The following KPNA1 variants were observed in gnomAD, a reference collection of about 807,000 sequenced individuals.
KPNA1 encodes karyopherin subunit alpha 1, also known as importin subunit alpha-5.
Under a neutral mutation model 70.5 loss-of-function variants are expected in KPNA1, and 10 were observed. The ratio of observed to expected loss-of-function variants is 0.14; its 90% CI spans 0.09 to 0.24. The LOEUF is 0.24. KPNA1 is among the 10% of genes least tolerant of loss of function. The pLI, the probability that KPNA1 is intolerant of heterozygous loss-of-function variation, is 1.00. For missense variants in KPNA1, 397 were observed against 637.9 expected (o/e 0.62, Z 4.07); for synonymous variants, 192 against 221.9 (o/e 0.87, Z 1.20).
chr3:122,498,878 T>A (rs963859518), intron 1 of KPNA1, among the ~76,000 whole-genome samples: 1 of 152,216 alleles, frequency 6.6e-6, no homozygotes, highest in African/African-American at 2.4e-5. Context: ...TTCCACTTAT[T>A]TAAGATAGGA....
intron 2 of KPNA1, 84 bp downstream of exon 2, chr3:122,496,353 A>ACACAC: frequency 6.7e-6 from 5 of 746,214 alleles, no homozygotes; most frequent in Non-Finnish European, 6.1e-6. Flanking sequence ...CACACACCCC[A>ACACAC]ACTTTGCTAA....
intron 9 of KPNA1, among the ~76,000 whole-genome samples, chr3:122,447,013 T>C (rs572356667): frequency 1.5e-4 from 23 of 152,236 alleles, no homozygotes; most frequent in African/African-American, 5.5e-4. Flanking sequence ...GGCTCTGAAA[T>C]TGAGGCAGTA....
intron 2 of KPNA1, among the ~76,000 whole-genome samples, chr3:122,487,841 T>A (rs2076647715): frequency 6.6e-6 from 1 of 152,236 alleles, no homozygotes. Flanking sequence ...TATATAACAA[T>A]GTGAATATTG....
intron 3 of KPNA1, among the ~76,000 whole-genome samples, chr3:122,466,767 G>C (rs1186905654): frequency 6.6e-6 from 1 of 151,878 alleles, no homozygotes; most frequent in Admixed American, 6.6e-5. Context: ...TAGCACTTTG[G>C]GAGGCCAAGG....
At chr3:122,483,834 G>A (rs2107483464) in intron 2 of KPNA1, among the ~76,000 whole-genome samples, 1 of 152,140 alleles carries the variant, frequency 6.6e-6, no homozygotes, top group South Asian at 2.1e-4. Context: ...CTGAATTATG[G>A]GAGGCTCTGA....
At chr3:122,441,440 T>C (rs1469037401) in intron 10 of KPNA1, among the ~76,000 whole-genome samples, 1 of 152,126 alleles carries the variant, frequency 6.6e-6, no homozygotes, top group African/African-American at 2.4e-5. Flanking sequence ...AAGATGCTAC[T>C]AGAGGATTCT....
At chr3:122,504,259 T>C (rs2076863294) in intron 1 of KPNA1, among the ~76,000 whole-genome samples, 1 of 152,146 alleles carries the variant, frequency 6.6e-6, no homozygotes, top group Non-Finnish European at 1.5e-5. Context: ...CCTGGCTAAT[T>C]CAGTATCTGG....
In KPNA1 at chr3:122,449,727, C is replaced by A. The variant is rs1298459730; in HGVS notation, c.764G>T (p.Cys255Phe). Residue 255 changes from cysteine to phenylalanine, a missense_variant, in exon 9 of 14, where the codon TGT (cysteine) becomes TTT (phenylalanine). By Grantham distance (205) the Cys-to-Phe change is radical. Coordinates refer to ENST00000344337, the MANE Select transcript of KPNA1 (RefSeq NM_002264.4). Reference sequence around the variant, plus strand: ...CAGCAACCAGGAAAGCACATTCAGACATGGAGAAACCTGTAAAAGGAAAAT... The same window carrying A: ...CAGCAACCAGGAAAGCACATTCAGAAATGGAGAAACCTGTAAAAGGAAAAT... Reference protein sequence around the residue: ...PPPEFAKVSPCLNVLSWLLFV... With the variant: ...PPPEFAKVSPFLNVLSWLLFV... The A allele has an allele frequency of 6.2e-7, 1 of 1,608,924 alleles. No individual in the cohort carries two copies. The highest frequency in any genetic ancestry group is 8.5e-7 in the Non-Finnish European group (1 of 1,178,492).
At chr3:122,452,562 G>GA (rs1389814779) in intron 6 of KPNA1, among the ~76,000 whole-genome samples, 10 of 41,220 alleles carry the variant, frequency 2.4e-4, no homozygotes, top group Non-Finnish European at 4.6e-4. Flanking sequence ...GGGAGGGAGG[G>GA]AGGGAAGGAG....
At chr3:122,434,734 C>T (rs1334326027) in intron 11 of KPNA1, among the ~76,000 whole-genome samples, 1 of 152,210 alleles carries the variant, frequency 6.6e-6, no homozygotes, top group Non-Finnish European at 1.5e-5. Context: ...CATGTACTAA[C>T]ACTAAAGTAG....
intron 2 of KPNA1, among the ~76,000 whole-genome samples, chr3:122,469,701 G>A (rs2076420533): frequency 6.6e-6 from 1 of 152,012 alleles, no homozygotes; most frequent in Non-Finnish European, 1.5e-5. Context: ...CTGGACAAAG[G>A]CCAAAAAAAT....
chr3:122,448,272 T>A (rs1160718015), intron 9 of KPNA1, among the ~76,000 whole-genome samples: 1 of 152,146 alleles, frequency 6.6e-6, no homozygotes, highest in African/African-American at 2.4e-5. Flanking sequence ...GGATTATAAA[T>A]CATGCTACTA....
At chr3:122,486,787 C>T (rs2076634960) in intron 2 of KPNA1, among the ~76,000 whole-genome samples, 1 of 152,008 alleles carries the variant, frequency 6.6e-6, no homozygotes, top group African/African-American at 2.4e-5. Context: ...GGGGTTTCAC[C>T]AATGTTAGCC....
intron 1 of KPNA1, among the ~76,000 whole-genome samples, chr3:122,499,688 G>A (rs908450339): frequency 6.6e-6 from 1 of 151,328 alleles, no homozygotes; most frequent in African/African-American, 2.4e-5. Flanking sequence ...GAGTCCAGCA[G>A]TTGCAGGCTG....
chr3:122,438,411 A>T (rs1460088039), intron 10 of KPNA1, among the ~76,000 whole-genome samples: 1 of 149,966 alleles, frequency 6.7e-6, no homozygotes, highest in Admixed American at 6.6e-5. Flanking sequence ...TTTGAGACAG[A>T]GTTTCGCTCC....
At chr3:122,487,357 T>C (rs1446351604) in intron 2 of KPNA1, among the ~76,000 whole-genome samples, 1 of 152,244 alleles carries the variant, frequency 6.6e-6, no homozygotes, top group Admixed American at 6.5e-5. Flanking sequence ...AGGGAGGCTC[T>C]TGAAATATTA....
At chr3:122,434,437 G>GA (rs1221702443) in intron 11 of KPNA1, among the ~76,000 whole-genome samples, 1 of 150,648 alleles carries the variant, frequency 6.6e-6, no homozygotes, top group East Asian at 1.9e-4. Context: ...TTCCATGTGC[G>GA]AAAACTCTCT....
In KPNA1 at chr3:122,461,247, G is replaced by A. The variant is rs1298649358; in HGVS notation, c.409C>T (p.Arg137Ter). 3.1e-6 allele frequency: 5 copies of A among 1,611,904 alleles called. No homozygotes were observed. Among genetic ancestry groups the A allele is most frequent in the Admixed American group, 1.7e-5 (1 of 59,904 alleles). Residue 137 changes from arginine (R) to a stop codon, truncating the protein, a stop_gained, in exon 5 of 14, where the codon CGA becomes TGA. Coordinates refer to ENST00000344337, the MANE Select transcript of KPNA1 (RefSeq NM_002264.4). LOFTEE classifies it high-confidence loss of function. ...VVARFVEFLKRKENCTLQFES... is the reference protein window; with the variant it reads ...VVARFVEFLK ...ACCTGCAGTGTACAATTCTCTTTTC[G>A]TTTGAGGAACTCCACAAACCTGGCC...
chr3:122,514,902 C>G lies in KPNA1; in HGVS notation c.-151G>C, dbSNP rs1157792757. On this transcript the variant is annotated 5_prime_UTR_variant, in exon 1 of 14. Coordinates refer to ENST00000344337, the MANE Select transcript of KPNA1 (RefSeq NM_002264.4). ...GGCCTCGCTCTCCGCCGCCTCGCAC[C>G]GAGCAGCGAGACTCAGCTCAGCCGG... 1 of 152,302 alleles carries G rather than the reference C, an allele frequency of 6.6e-6. No individual in the cohort carries two copies. Among genetic ancestry groups the G allele is most frequent in the Non-Finnish European group, 1.5e-5 (1 of 68,084 alleles). 9.4% of individuals were successfully genotyped at this position (152,302 alleles called of 1,614,324 possible). A position where few individuals can be genotyped will look rare whatever the true frequency, so the allele number is the denominator to read the frequency against.
Sources: gnomAD v4.1 joint callset for allele counts (sites outside exome capture counted in the v4.1 genomes callset) on GRCh38, gnomAD v4.1.1 for gene constraint, MANE v1.5 for transcripts, NCBI Gene and HGNC (gene_info 2026-07-23, HGNC 2026-07-21) for gene names.